The following SCN7A variants were observed in gnomAD, a reference collection of about 807,000 sequenced individuals.
SCN7A encodes sodium voltage-gated channel alpha subunit 7.
Under a neutral mutation model 155.2 loss-of-function variants are expected in SCN7A, and 138 were observed. The ratio of observed to expected loss-of-function variants is 0.89; its 90% confidence interval spans 0.77 to 1.02. The LOEUF (loss-of-function observed/expected upper bound fraction) is 1.02, where lower values mean the gene tolerates loss of function less well. Among genes scored for constraint, SCN7A ranks in the 50% least tolerant of loss-of-function variants. The pLI is 0.00. For missense variants in SCN7A, 2,058 were observed against 1,986.6 expected (o/e 1.04, Z -0.68); for synonymous variants, 693 against 649.0 (o/e 1.07, Z -1.03).
chr2:166,483,348 A>G (rs1486357855), intron 2 of SCN7A, among the ~76,000 whole-genome samples: 1 of 152,032 alleles, frequency 6.6e-6, no homozygotes, highest in Non-Finnish European at 1.5e-5. Context: ...AAATTATTTT[A>G]CTTTCTCACA....
chr2:166,479,510 G>A (rs1412723572), intron 2 of SCN7A, among the ~76,000 whole-genome samples: 1 of 152,092 alleles, frequency 6.6e-6, no homozygotes, highest in East Asian at 1.9e-4. Context: ...TATGCCTTTT[G>A]TGGAATCAAG....
chr2:166,437,632 C>T (rs1318978665), intron 15 of SCN7A, among the ~76,000 whole-genome samples: 2 of 152,180 alleles, frequency 1.3e-5, no homozygotes, highest in Non-Finnish European at 2.9e-5. Context: ...GTGAAGGCAG[C>T]TGGGATCGGG....
intron 11 of SCN7A, 35 bp downstream of exon 11, chr2:166,456,821 TATATATATAGATAG>T (rs1445903367): frequency 3.8e-5 from 26 of 682,730 alleles, no homozygotes; most frequent in Non-Finnish European, 4.5e-5. Context: ...TATATATATA[TATATATATAGATAG>T]ATAGATAGAT....
At chr2:166,420,349 G>A (rs542880458) in intron 20 of SCN7A, among the ~76,000 whole-genome samples, 8 of 151,988 alleles carry the variant, frequency 5.3e-5, no homozygotes, top group South Asian at 2.1e-4. Context: ...GTGATATTAC[G>A]TAGTAATTAA....
Position 166,405,328 on chromosome 2 carries a change from G to T in SCN7A, c.*252C>A. The T allele has an allele frequency of 2.4e-6, 1 of 417,732 alleles. No homozygotes were observed. Among genetic ancestry groups the T allele is most frequent in the Non-Finnish European group, 4.2e-6 (1 of 238,032 alleles). The allele number at this position is 417,732 out of a possible 1,614,324, so 25.9% of individuals were successfully genotyped here. On this transcript the variant is annotated 3_prime_UTR_variant, in exon 26 of 26. Transcript: ENST00000643258. ...GCACACATCATATAAGCCATGTAGA[G>T]AAAACAAATATGAGATTGTCAAATG...
chr2:166,479,124 T>C lies in SCN7A; in HGVS notation c.-14-1414A>G, dbSNP rs535305273. On this transcript the variant is annotated intron_variant, in intron 2 of 25. Coordinates refer to ENST00000643258, the MANE Select transcript of SCN7A (RefSeq NM_002976.4). Reference sequence around the variant, plus strand: ...GTATTTTCTCTCACAATGCTGGCACTAGCTGAATTACTTCTATAAGATTTT... The same window carrying C: ...GTATTTTCTCTCACAATGCTGGCACCAGCTGAATTACTTCTATAAGATTTT... 8.5e-5 allele frequency among the ~76,000 whole-genome samples: 13 copies of C among 152,254 alleles called. No homozygotes were observed. In the East Asian group the frequency reaches 2.5e-3, roughly 29 times the overall value.
chr2:166,434,057 T>C (rs1360816510), intron 15 of SCN7A, among the ~76,000 whole-genome samples: 7 of 152,150 alleles, frequency 4.6e-5, no homozygotes, highest in Admixed American at 4.6e-4. Flanking sequence ...GTACATAAAA[T>C]AAGTATGTGA....
intron 15 of SCN7A, among the ~76,000 whole-genome samples, chr2:166,437,836 T>G (rs1476204886): frequency 6.6e-6 from 1 of 152,154 alleles, no homozygotes; most frequent in Admixed American, 6.6e-5. Context: ...TGTCTCCCAT[T>G]TGGAATGGGT....
In SCN7A at chr2:166,466,100, T is replaced by C. The variant is rs1702529550; in HGVS notation, c.665-113A>G. 8 of 705,318 alleles carry C rather than the reference T, an allele frequency of 1.1e-5. No homozygotes were observed. The South Asian group carries it at 1.4e-4, about 12-fold the overall frequency. The allele number at this position is 705,318 out of a possible 1,614,324, so 43.7% of individuals were successfully genotyped here. A position where few individuals can be genotyped will look rare whatever the true frequency, so the allele number is the denominator to read the frequency against. ...CATTGAAATCAACAGTTTTATCTTA[T>C]AATGTAATTCTAATTATTTGGGCCT... On this transcript the variant is annotated intron_variant, in intron 7 of 25. Coordinates refer to ENST00000643258, the MANE Select transcript of SCN7A (RefSeq NM_002976.4).
At chr2:166,410,080 A>AAAAC in intron 24 of SCN7A, 140 bp downstream of exon 24, 1 of 1,112,744 alleles carries the variant, frequency 9.0e-7, no homozygotes, top group Non-Finnish European at 1.3e-6. Flanking sequence ...ACATATAGTC[A>AAAAC]AAACAAACAA....
intron 10 of SCN7A, among the ~76,000 whole-genome samples, chr2:166,457,339 C>G (rs1430268493): frequency 6.6e-6 from 1 of 152,108 alleles, no homozygotes; most frequent in Non-Finnish European, 1.5e-5. Flanking sequence ...GGTAAGTATT[C>G]GATTTTTATG....
chr2:166,462,417 T>C lies in SCN7A; in HGVS notation c.1055A>G (p.Gln352Arg). Residue 352 changes from glutamine (Q) to arginine (R), a missense_variant, in exon 10 of 26, where the codon CAG becomes CGG. Transcript: ENST00000643258. ...GTGATAAAGTACTTCAGGGTAATCC[T>C]GAGCCATTAACCGAAATAGGGCAAA... is the stretch of plus-strand genomic sequence containing the variant. ...ALFALFRLMA[Q>R]DYPEVLYHQI... The C allele has an allele frequency of 6.2e-7, 1 of 1,601,388 alleles. No homozygotes were observed. Among genetic ancestry groups the C allele is most frequent in the Non-Finnish European group, 8.5e-7 (1 of 1,173,362 alleles).
intron 15 of SCN7A, among the ~76,000 whole-genome samples, chr2:166,434,753 T>A: frequency 6.6e-6 from 1 of 152,154 alleles, no homozygotes; most frequent in East Asian, 1.9e-4. Flanking sequence ...CTTCTATTGT[T>A]TGGCTAAGTA....
chr2:166,473,898 A>G lies in SCN7A; in HGVS notation c.354-10T>C. 1 of 1,420,808 alleles carries G rather than the reference A, an allele frequency of 7.0e-7. No individual in the cohort carries two copies. The highest frequency in any genetic ancestry group is 9.8e-7 in the Non-Finnish European group (1 of 1,018,950). The allele number at this position is 1,420,808 out of a possible 1,614,324, so 88.0% of individuals were successfully genotyped here. On this transcript the variant is annotated splice_polypyrimidine_tract_variant and intron_variant, in intron 4 of 25. Coordinates refer to ENST00000643258, the MANE Select transcript of SCN7A (RefSeq NM_002976.4). ...AAACAGTTGGAAAAAGGTAGCTTAT[A>G]GTCAAGGAATAATAGTTAATAAATA...
Position 166,477,676 on chromosome 2 carries a change from A to C in SCN7A, c.21T>G (p.Pro7=). 3 of 1,579,322 alleles carry C rather than the reference A, an allele frequency of 1.9e-6. No homozygotes were observed. Among genetic ancestry groups the C allele is most frequent in the Non-Finnish European group, 2.6e-6 (3 of 1,167,020 alleles). MLASPE[P]KGLVPFTKES... ...CTTTAGTGAAGGGAACAAGGCCCTTAGGTTCTGGTGAAGCCAACATTTCCA... is the reference window on the plus strand; with the variant it reads ...CTTTAGTGAAGGGAACAAGGCCCTTCGGTTCTGGTGAAGCCAACATTTCCA... The change falls in exon 3 of 26, where the codon CCT becomes CCG. Residue 7 remains proline, a synonymous_variant. Coordinates refer to ENST00000643258, the MANE Select transcript of SCN7A (RefSeq NM_002976.4).
At chr2:166,456,758 G>T in intron 11 of SCN7A, 112 bp downstream of exon 11, 1 of 513,362 alleles carries the variant, frequency 1.9e-6, no homozygotes, top group Non-Finnish European at 3.0e-6. Context: ...CAGAGCCTAA[G>T]CCATAGAATC....
At chr2:166,433,566 T>A (rs1701777095) in intron 15 of SCN7A, among the ~76,000 whole-genome samples, 2 of 152,138 alleles carry the variant, frequency 1.3e-5, no homozygotes, top group Admixed American at 1.3e-4. Context: ...GATCAAAGGT[T>A]ACATAGATTA....
intron 3 of SCN7A, among the ~76,000 whole-genome samples, chr2:166,475,135 T>TACAC: frequency 7.1e-6 from 1 of 141,664 alleles, no homozygotes; most frequent in African/African-American, 2.6e-5. Flanking sequence ...TATATATATA[T>TACAC]ATACACACAC....
chr2:166,447,761 G>A (rs941870742), intron 11 of SCN7A, 53 bp from the exon 12 acceptor site: 1 of 1,310,336 alleles, frequency 7.6e-7, no homozygotes, highest in African/African-American at 1.5e-5. Flanking sequence ...GCAGGTCCAA[G>A]ACTATAAGAA....
Sources: allele counts gnomAD v4.1 joint callset (sites outside exome capture counted in the v4.1 genomes callset), GRCh38; gene constraint gnomAD v4.1.1; transcripts MANE v1.5; gene names NCBI Gene and HGNC (gene_info 2026-07-23, HGNC 2026-07-21).